ILDR1: variants seen among roughly 807,000 people sequenced by gnomAD.
ILDR1 encodes immunoglobulin-like domain-containing receptor 1.
In ILDR1, 56 loss-of-function variants were observed where a neutral mutation model predicts 62.4. The ratio of observed to expected loss-of-function variants is 0.90; its 90% CI spans 0.72 to 1.12. The LOEUF is 1.12. Ranked by LOEUF, ILDR1 falls within the 50% of genes most tolerant of loss-of-function variation. The pLI, the probability that ILDR1 is intolerant of heterozygous loss-of-function variation, is 0.00. For synonymous variants in ILDR1, 284 were observed against 277.8 expected, an observed-to-expected ratio of 1.02 and a Z score of -0.22; for missense variants, 736 against 710.6, an observed-to-expected ratio of 1.04 and a Z score of -0.41.
At chr3:122,016,032 C>T (rs938289026) in intron 1 of ILDR1, among the ~76,000 whole-genome samples, 3 of 152,218 alleles carry the variant, frequency 2.0e-5, no homozygotes, top group African/African-American at 7.2e-5. Flanking sequence ...TACCATGACC[C>T]ATGCAGCCAT....
intron 3 of ILDR1, among the ~76,000 whole-genome samples, chr3:122,004,622 G>A (rs992207515): frequency 3.3e-5 from 5 of 152,182 alleles, no homozygotes; most frequent in East Asian, 1.9e-4. Context: ...CTCACATAGC[G>A]CGCTAGATAT....
At chr3:122,020,582 G>C (rs2071839915) in intron 1 of ILDR1, among the ~76,000 whole-genome samples, 1 of 152,190 alleles carries the variant, frequency 6.6e-6, no homozygotes, top group Non-Finnish European at 1.5e-5. Context: ...GCAGTGGTGG[G>C]AGCAGAACTC....
At chr3:122,045,348 A>G in the ILDR1 span, among the ~76,000 whole-genome samples, 1 of 150,704 alleles carries the variant, frequency 6.6e-6, no homozygotes, top group South Asian at 2.1e-4. Flanking sequence ...CTATGTGGTC[A>G]ATTTTGGAAT....
intron 1 of ILDR1, among the ~76,000 whole-genome samples, chr3:122,019,653 T>G (rs1315895241): frequency 6.6e-6 from 1 of 152,218 alleles, no homozygotes; most frequent in Non-Finnish European, 1.5e-5. Context: ...GCACAAGGAC[T>G]GTGATAATAT....
intron 7 of ILDR1, among the ~76,000 whole-genome samples, chr3:121,991,925 C>T (rs1411962793): frequency 6.6e-6 from 1 of 152,238 alleles, no homozygotes; most frequent in Non-Finnish European, 1.5e-5. Flanking sequence ...TAATATCTCT[C>T]TGCTCCGGGA....
chr3:122,042,099 A>C, the ILDR1 span, among the ~76,000 whole-genome samples: 1 of 100,908 alleles, frequency 9.9e-6, no homozygotes. Flanking sequence ...CCAGAGTGTG[A>C]TATTCCCCTT....
chr3:122,031,635 C>A, the ILDR1 span, among the ~76,000 whole-genome samples: 3 of 152,034 alleles, frequency 2.0e-5, no homozygotes, highest in Admixed American at 2.0e-4. Flanking sequence ...AAGAGAGACC[C>A]CCAAAAAACT....
intron 1 of ILDR1, among the ~76,000 whole-genome samples, chr3:122,009,953 G>GC (rs2071679293): frequency 6.6e-6 from 1 of 152,230 alleles, no homozygotes; most frequent in African/African-American, 2.4e-5. Flanking sequence ...TGATGCAGAT[G>GC]CCCCATGGCA....
upstream of ILDR1, among the ~76,000 whole-genome samples, chr3:122,022,700 C>T (rs189247593): frequency 7.4e-3 from 1,133 of 152,082 alleles, 6 homozygotes; most frequent in Non-Finnish European, 0.013. Context: ...GTGGATCATC[C>T]GAGGTCAGGA....
At chr3:122,013,069 G>A (rs1369996664) in intron 1 of ILDR1, among the ~76,000 whole-genome samples, 1 of 152,160 alleles carries the variant, frequency 6.6e-6, no homozygotes, top group Non-Finnish European at 1.5e-5. Context: ...AGGCCAGGCT[G>A]CTGTGCTGAG....
At chr3:121,995,544 C>T (rs2332036) in intron 5 of ILDR1, among the ~76,000 whole-genome samples, 58,793 of 151,936 alleles carry the variant, frequency 0.39, 12,232 homozygotes, top group East Asian at 0.7. Context: ...CAGAAATGTC[C>T]GGAGCTCCAA....
intron 1 of ILDR1, among the ~76,000 whole-genome samples, chr3:122,015,882 G>C (rs1056632835): frequency 8.5e-5 from 13 of 152,092 alleles, no homozygotes; most frequent in Admixed American, 8.5e-4. Context: ...CATATCACCT[G>C]TGCTTACCTA....
In ILDR1 at chr3:122,022,036, G is replaced by A; in HGVS notation, c.42C>T (p.Cys14=). The A allele has an allele frequency of 4.3e-6, 7 of 1,611,620 alleles. No homozygotes were observed. The highest frequency in any genetic ancestry group is 5.1e-6 in the Non-Finnish European group (6 of 1,179,006). The change falls in exon 1 of 8, where the codon TGC becomes TGT. Residue 14 remains cysteine (C), a synonymous_variant. Transcript: ENST00000344209. ...AAGGCTCACCTGCTGGGAGCCAGGTGCAGAGCAGCAGCCAAGGTGCGGGCA... is the reference window on the plus strand; with the variant it reads ...AAGGCTCACCTGCTGGGAGCCAGGTACAGAGCAGCAGCCAAGGTGCGGGCA... ...PKLPAPWLLL[C]TWLPAGCLSL... is the part of the protein sequence containing the mutation.
At position 121,993,253 on chromosome 3, in the gene ILDR1, G is replaced by C; in HGVS notation, c.1496C>G (p.Ser499Trp). 1.2e-6 allele frequency: 2 copies of C among 1,613,654 alleles called. No homozygotes were observed. Among genetic ancestry groups the C allele is most frequent in the Non-Finnish European group, 1.7e-6 (2 of 1,179,806 alleles). ...PQSWRAHRRGSHSPHWPEEKP... is the reference protein window; with the variant it reads ...PQSWRAHRRGWHSPHWPEEKP... ...CTCCTCGGGCCAGTGTGGGGAGTGC[G>C]AGCCGCGGCGGTGGGCCCGCCAGCT... The change falls in exon 7 of 8, where the codon TCG (serine) becomes TGG (tryptophan). Residue 499 changes from serine to tryptophan, a missense_variant. Coordinates refer to ENST00000344209, the MANE Select transcript of ILDR1 (RefSeq NM_001199799.2).
intron 7 of ILDR1, among the ~76,000 whole-genome samples, chr3:121,992,676 G>A (rs1032371611): frequency 5.3e-5 from 8 of 152,154 alleles, no homozygotes; most frequent in Non-Finnish European, 8.8e-5. Flanking sequence ...ATATACCAGG[G>A]CCTTGCAATG....
intron 7 of ILDR1, among the ~76,000 whole-genome samples, chr3:121,992,707 T>C (rs1343154920): frequency 6.6e-6 from 1 of 152,232 alleles, no homozygotes; most frequent in Non-Finnish European, 1.5e-5. Context: ...AAGTGTCTTC[T>C]GTCAGGCCCA....
At chr3:122,059,272 G>A in the ILDR1 span, among the ~76,000 whole-genome samples, 1 of 152,146 alleles carries the variant, frequency 6.6e-6, no homozygotes, top group African/African-American at 2.4e-5. Flanking sequence ...GGATTGAGAG[G>A]AAGCCAAGGA....
intron 5 of ILDR1, 121 bp downstream of exon 5, chr3:122,001,187 T>A: frequency 8.7e-7 from 1 of 1,152,368 alleles, no homozygotes; most frequent in Non-Finnish European, 1.3e-6. Flanking sequence ...TCTGTCCCTA[T>A]GATGGGAGAA....
intron 3 of ILDR1, 78 bp from the exon 4 acceptor site, chr3:122,001,942 T>C: frequency 6.6e-7 from 1 of 1,517,324 alleles, no homozygotes. Flanking sequence ...CCTCAAGACC[T>C]GGGCAGCATG....
Sources: gnomAD v4.1 joint callset for allele counts (sites outside exome capture counted in the v4.1 genomes callset) on GRCh38, gnomAD v4.1.1 for gene constraint, MANE v1.5 for transcripts, NCBI Gene and HGNC (gene_info 2026-07-23, HGNC 2026-07-21) for gene names.